ARHGAP15: variants seen among roughly 807,000 people sequenced by gnomAD.
ARHGAP15 encodes the protein Rho GTPase activating protein 15.
In ARHGAP15, 51 loss-of-function variants were observed where a neutral mutation model predicts 63.7. That is an observed-to-expected ratio of 0.80 (90% CI 0.64 to 1.01). ARHGAP15 has a LOEUF of 1.01. ARHGAP15 is among the 50% of genes least tolerant of loss of function. ARHGAP15 has a pLI of 0.00. For synonymous variants in ARHGAP15, 191 were observed against 193.8 expected, an observed-to-expected ratio of 0.99 and a Z score of 0.12; for missense variants, 560 against 564.6, an observed-to-expected ratio of 0.99 and a Z score of 0.08.
chr2:143,350,691 T>G (rs1685521974), intron 6 of ARHGAP15, among the ~76,000 whole-genome samples: 1 of 148,256 alleles, frequency 6.7e-6, no homozygotes, highest in Non-Finnish European at 1.5e-5. Context: ...AAGAAAAAAT[T>G]AGCCAGGCGT....
chr2:143,446,411 T>C (rs1418934235), intron 8 of ARHGAP15, among the ~76,000 whole-genome samples: 1 of 151,976 alleles, frequency 6.6e-6, no homozygotes, highest in Non-Finnish European at 1.5e-5. Context: ...GTTGCCAAAA[T>C]GCAGCATAAA....
chr2:143,444,435 A>G (rs561302983), intron 8 of ARHGAP15, among the ~76,000 whole-genome samples: 1 of 152,222 alleles, frequency 6.6e-6, no homozygotes, highest in Non-Finnish European at 1.5e-5. Flanking sequence ...GATTTAAAGA[A>G]TCTTTGCTAA....
intron 6 of ARHGAP15, among the ~76,000 whole-genome samples, chr2:143,381,283 A>G (rs947694185): frequency 3.9e-5 from 6 of 152,070 alleles, no homozygotes; most frequent in African/African-American, 1.2e-4. Flanking sequence ...TTCCTGGGGA[A>G]TGTTGATGCA....
intron 6 of ARHGAP15, among the ~76,000 whole-genome samples, chr2:143,258,615 T>C (rs1553455490): frequency 6.6e-6 from 1 of 152,150 alleles, no homozygotes; most frequent in Non-Finnish European, 1.5e-5. Flanking sequence ...AGGCTGCTCT[T>C]TTATCTTAAC....
chr2:143,748,898 T>C (rs1686266203), intron 13 of ARHGAP15, among the ~76,000 whole-genome samples: 1 of 152,206 alleles, frequency 6.6e-6, no homozygotes, highest in Non-Finnish European at 1.5e-5. Context: ...ATAAAGATTT[T>C]ATTTCAAGCT....
At chr2:143,182,562 G>T (rs1574059968) in intron 2 of ARHGAP15, among the ~76,000 whole-genome samples, 1 of 152,290 alleles carries the variant, frequency 6.6e-6, no homozygotes, top group East Asian at 1.9e-4. Flanking sequence ...GATCAACTTT[G>T]CTCCATGAAC....
intron 9 of ARHGAP15, among the ~76,000 whole-genome samples, chr2:143,497,510 A>G (rs1692868692): frequency 1.3e-5 from 2 of 152,150 alleles, no homozygotes; most frequent in Admixed American, 1.3e-4. Flanking sequence ...GTGTTCTTGT[A>G]CCGCATAGTT....
intron 6 of ARHGAP15, among the ~76,000 whole-genome samples, chr2:143,265,178 C>T (rs1251654438): frequency 6.6e-6 from 1 of 151,164 alleles, no homozygotes; most frequent in Non-Finnish European, 1.5e-5. Context: ...AAGATAGGAT[C>T]TTTCTTGGCC....
chr2:143,768,171 GAC>G lies in ARHGAP15; in HGVS notation c.*1_*2del. The G allele has an allele frequency of 6.2e-7, 1 of 1,612,492 alleles. No individual in the cohort carries two copies. Among genetic ancestry groups the G allele is most frequent in the South Asian group, 1.1e-5 (1 of 90,910 alleles). On this transcript the variant is annotated stop_retained_variant and 3_prime_UTR_variant, in exon 14 of 14. Coordinates refer to ENST00000295095, the MANE Select transcript of ARHGAP15 (RefSeq NM_018460.4). ...AAGATCTTCGGCTCAGAGGAAGACT[GAC>G]AGACAAGACAAGCTACTGAATACGT...
chr2:143,740,606 G>A (rs998289243), intron 13 of ARHGAP15, among the ~76,000 whole-genome samples: 9 of 152,142 alleles, frequency 5.9e-5, no homozygotes, highest in Admixed American at 1.3e-4. Context: ...CAGCGTCAGC[G>A]GTGGTGCTAA....
intron 2 of ARHGAP15, among the ~76,000 whole-genome samples, chr2:143,173,668 C>T (rs1418408043): frequency 6.6e-6 from 1 of 151,958 alleles, no homozygotes. Context: ...ATATTTTGAA[C>T]TTTATTTTTC....
chr2:143,350,480 C>T (rs1012846430), intron 6 of ARHGAP15, among the ~76,000 whole-genome samples: 1 of 151,776 alleles, frequency 6.6e-6, no homozygotes, highest in Admixed American at 6.6e-5. Context: ...GATGCTAATC[C>T]ATTAGTTATT....
chr2:143,684,463 C>T (rs1683236928), intron 12 of ARHGAP15, among the ~76,000 whole-genome samples: 1 of 151,724 alleles, frequency 6.6e-6, no homozygotes, highest in Non-Finnish European at 1.5e-5. Flanking sequence ...TGGATCATCT[C>T]ATCTCAGCAA....
chr2:143,164,242 G>C (rs1262405422), intron 2 of ARHGAP15, among the ~76,000 whole-genome samples: 2 of 152,038 alleles, frequency 1.3e-5, no homozygotes, highest in Non-Finnish European at 2.9e-5. Flanking sequence ...TGTTCCTAAA[G>C]AGATGTGGGT....
intron 12 of ARHGAP15, among the ~76,000 whole-genome samples, chr2:143,634,020 G>A (rs922076979): frequency 5.3e-5 from 8 of 151,850 alleles, no homozygotes; most frequent in South Asian, 2.1e-4. Context: ...TAAAATACAC[G>A]CAAACTGATA....
intron 8 of ARHGAP15, among the ~76,000 whole-genome samples, chr2:143,467,341 AAGTT>A (rs1184289647): frequency 3.3e-5 from 5 of 151,308 alleles, no homozygotes; most frequent in Admixed American, 3.3e-4. Context: ...TCTGAAAAAA[AAGTT>A]AGTAGTTACA....
chr2:143,301,107 CAA>C (rs1266640130), intron 6 of ARHGAP15, among the ~76,000 whole-genome samples: 3 of 151,712 alleles, frequency 2.0e-5, no homozygotes, highest in African/African-American at 4.8e-5. Flanking sequence ...GTGAACATGA[CAA>C]GAGGCAAATA....
chr2:143,605,364 G>A (rs1228961595), intron 11 of ARHGAP15, among the ~76,000 whole-genome samples: 1 of 152,098 alleles, frequency 6.6e-6, no homozygotes, highest in Non-Finnish European at 1.5e-5. Flanking sequence ...CTCATATGAA[G>A]AACATTTTTC....
intron 13 of ARHGAP15, 35 bp from the exon 14 acceptor site, chr2:143,767,954 C>G: frequency 6.3e-7 from 1 of 1,589,638 alleles, no homozygotes; most frequent in South Asian, 1.1e-5. Context: ...ACTTCAAACT[C>G]CAGTGAAATT....
Sources: gnomAD v4.1 joint callset for allele counts (sites outside exome capture counted in the v4.1 genomes callset) on GRCh38, gnomAD v4.1.1 for gene constraint, MANE v1.5 for transcripts, NCBI Gene and HGNC (gene_info 2026-07-23, HGNC 2026-07-21) for gene names.